Variants in PGRMC1 observed in about 807,000 individuals in gnomAD.
PGRMC1 encodes the protein progesterone receptor membrane component 1.
For missense variants in PGRMC1, 145 were observed against 169.0 expected (o/e 0.86, Z 0.79); for synonymous variants, 73 against 77.3 (o/e 0.94, Z 0.29).
intron 2 of PGRMC1, among the ~76,000 whole-genome samples, chrX:119,242,320 C>T (rs1171240234): frequency 2.7e-5 from 3 of 109,879 alleles, no homozygotes; most frequent in African/African-American, 1.0e-4. Flanking sequence ...CCATTTTGGT[C>T]CATGGGAGCT....
intron 1 of PGRMC1, among the ~76,000 whole-genome samples, chrX:119,238,973 A>T (rs1370645565): frequency 1.8e-5 from 2 of 112,474 alleles, no homozygotes; most frequent in Non-Finnish European, 3.8e-5. Context: ...TTTTTAAAAG[A>T]CTTTTAATGT....
chrX:119,236,936 C>T (rs1930715917), intron 1 of PGRMC1, among the ~76,000 whole-genome samples: 1 of 111,745 alleles, frequency 8.9e-6, no homozygotes, highest in Non-Finnish European at 1.9e-5. Flanking sequence ...GCGCTGACAG[C>T]GCTGGGAGGG....
chrX:119,242,026 G>C (rs1054213524), intron 2 of PGRMC1, among the ~76,000 whole-genome samples: 2 of 111,496 alleles, frequency 1.8e-5, no homozygotes, highest in Non-Finnish European at 3.8e-5. Context: ...AAAACGTTCT[G>C]TCTCTTGCTC....
rs535977876 is a variant in PGRMC1, at chrX:119,242,820, C to T, written c.485-331C>T. Reference sequence around the variant, plus strand: ...TCTATACATTTTTCCAAAATATATCCTCCTTCCATGAAGTATTCTGTAACC... The same window carrying T: ...TCTATACATTTTTCCAAAATATATCTTCCTTCCATGAAGTATTCTGTAACC... On this transcript the variant is annotated intron_variant, in intron 2 of 2. Transcript: ENST00000217971. 1.2e-4 allele frequency among the ~76,000 whole-genome samples: 13 copies of T among 111,231 alleles called. No individual in the cohort carries two copies. The South Asian group carries it at 4.8e-3, about 41-fold the overall frequency.
At chrX:119,239,097 A>C (rs905210937) in intron 1 of PGRMC1, among the ~76,000 whole-genome samples, 1 of 112,196 alleles carries the variant, frequency 8.9e-6, no homozygotes, top group Non-Finnish European at 1.9e-5. Flanking sequence ...CTACCAAGCC[A>C]ATGACCATAA....
rs199917409 is a variant in PGRMC1, at chrX:119,243,296, T to C, written c.*42T>C. The C allele has an allele frequency of 5.8e-4, 485 of 829,905 alleles. 2 individuals carry two copies. The highest frequency in any genetic ancestry group is 8.4e-4 in the Non-Finnish European group (461 of 550,053). The allele number at this position is 829,905 out of a possible 1,213,427, so 68.4% of individuals were successfully genotyped here. A position where few individuals can be genotyped will look rare whatever the true frequency, so the allele number is the denominator to read the frequency against. ...ATATCTATTTTTGTATTTTGCAAAA[T>C]CATTTGTAACAGTCCACTCTGTCTT... On this transcript the variant is annotated 3_prime_UTR_variant, in exon 3 of 3. Transcript: ENST00000217971.
Position 119,236,697 on chromosome X carries a change from CG to C in PGRMC1, c.328+8del. On this transcript the variant is annotated splice_region_variant and intron_variant, in intron 1 of 2. Transcript: ENST00000217971. ...CCGCAAATTCTACGGGCCCGGTACGCGGCCGGCGAGGGGGGCTTGGAGACAA... is the reference window on the plus strand; with the variant it reads ...CCGCAAATTCTACGGGCCCGGTACGCGCCGGCGAGGGGGGCTTGGAGACAA... 8.5e-7 allele frequency: 1 copy of C among 1,172,569 alleles called. No homozygotes were observed. Among genetic ancestry groups the C allele is most frequent in the South Asian group, 1.9e-5 (1 of 51,548 alleles).
intron 1 of PGRMC1, among the ~76,000 whole-genome samples, chrX:119,237,094 G>A (rs1367130962): frequency 9.0e-6 from 1 of 110,967 alleles, no homozygotes; most frequent in Admixed American, 9.4e-5. Context: ...GGAGGAGGGG[G>A]TAGTGTCGGG....
chrX:119,243,012 C>A, intron 2 of PGRMC1, 139 bp from the exon 3 acceptor site: 1 of 514,919 alleles, frequency 1.9e-6, no homozygotes, highest in Non-Finnish European at 3.5e-6. Flanking sequence ...GTGGTATAAA[C>A]CACCTTTGTA....
At chrX:119,238,449 A>G (rs1231893513) in intron 1 of PGRMC1, among the ~76,000 whole-genome samples, 1 of 112,398 alleles carries the variant, frequency 8.9e-6, no homozygotes, top group East Asian at 2.8e-4. Context: ...AGTAGCACAC[A>G]TAGTTGCTTT....
chrX:119,236,562 C>T lies in PGRMC1; in HGVS notation c.199C>T (p.Arg67Cys). The change falls in exon 1 of 3, where the codon CGC becomes TGC. Residue 67 changes from arginine to cysteine, a missense_variant. Arg to Cys is a radical substitution (Grantham distance 180). Transcript: ENST00000217971. ...SDDDEPPPLP[R>C]LKRRDFTPAE... Reference sequence around the variant, plus strand: ...CGACGACGAGCCGCCCCCTCTGCCCCGCCTCAAGCGGCGCGACTTCACCCC... The same window carrying T: ...CGACGACGAGCCGCCCCCTCTGCCCTGCCTCAAGCGGCGCGACTTCACCCC... The T allele has an allele frequency of 4.1e-6, 5 of 1,208,847 alleles. No homozygotes were observed. Among genetic ancestry groups the T allele is most frequent in the Non-Finnish European group, 5.6e-6 (5 of 894,033 alleles).
chrX:119,244,084 A>G lies in PGRMC1; in HGVS notation c.*830A>G, dbSNP rs1930887729. The G allele has an allele frequency of 8.9e-6, 1 of 112,283 alleles. No homozygotes were observed. Among genetic ancestry groups the G allele is most frequent in the South Asian group, 3.7e-4 (1 of 2,704 alleles). 9.3% of individuals were successfully genotyped at this position (112,283 alleles called of 1,213,427 possible). A position where few individuals can be genotyped will look rare whatever the true frequency, so the allele number is the denominator to read the frequency against. ...TGAGGGAGGGACATACAGAATAGGA[A>G]CAGGTGTTTGCTCTCCTAAGAGCCT... On this transcript the variant is annotated 3_prime_UTR_variant, in exon 3 of 3. Coordinates refer to ENST00000217971, the MANE Select transcript of PGRMC1 (RefSeq NM_006667.5).
At position 119,239,010 on chromosome X, in the gene PGRMC1, A is replaced by C. The variant is rs781247937; in HGVS notation, c.329-1299A>C. On this transcript the variant is annotated intron_variant, in intron 1 of 2. Transcript: ENST00000217971. ...CCCACTAGAGAACATTTAATTGTTT[A>C]AATGTTTAAATATTCTATGAGGTTT... Among the ~76,000 whole-genome samples, 4 of 112,361 alleles carry C rather than the reference A, an allele frequency of 3.6e-5. No homozygotes were observed. In the South Asian group the frequency reaches 1.5e-3, roughly 42 times the overall value.
At chrX:119,237,888 G>A (rs75752138) in intron 1 of PGRMC1, among the ~76,000 whole-genome samples, 2,610 of 111,520 alleles carry the variant, frequency 0.023, 90 homozygotes, top group African/African-American at 0.081. Context: ...ATGAGTCTCG[G>A]GTGGTCCGGG....
chrX:119,236,542 A>G lies in PGRMC1; in HGVS notation c.179A>G (p.Asp60Gly). ...GCGGCCAGCGGCGACAGCGACGACG[A>G]CGAGCCGCCCCCTCTGCCCCGCCTC... The part of the protein sequence containing the change: ...QPAASGDSDD[D>G]EPPPLPRLKR... Residue 60 changes from aspartate to glycine, a missense_variant, in exon 1 of 3, where the codon GAC becomes GGC. Asp to Gly is a moderately conservative substitution (Grantham distance 94). Coordinates refer to ENST00000217971, the MANE Select transcript of PGRMC1 (RefSeq NM_006667.5). The G allele has an allele frequency of 8.3e-7, 1 of 1,208,358 alleles. No individual in the cohort carries two copies. Among genetic ancestry groups the G allele is most frequent in the Non-Finnish European group, 1.1e-6 (1 of 894,035 alleles).
rs1225226094 is a variant in PGRMC1 at position 119,236,505 on chromosome X, G to A, written c.142G>A (p.Gly48Arg). The change falls in exon 1 of 3, where the codon GGG (glycine) becomes AGG (arginine). Residue 48 changes from glycine (G) to arginine (R), a missense_variant. Transcript: ENST00000217971. ...CTTCCTGCTCTACAAGATCGTGCGCGGGGACCAGCCGGCGGCCAGCGGCGA... is the reference window on the plus strand; with the variant it reads ...CTTCCTGCTCTACAAGATCGTGCGCAGGGACCAGCCGGCGGCCAGCGGCGA... ...CIFLLYKIVR[G>R]DQPAASGDSD... The A allele has an allele frequency of 2.5e-6, 3 of 1,210,476 alleles. No individual in the cohort carries two copies. The highest frequency in any genetic ancestry group is 1.8e-5 in the South Asian group (1 of 56,923).
chrX:119,241,681 G>A (rs943316361), intron 2 of PGRMC1, among the ~76,000 whole-genome samples: 1 of 111,541 alleles, frequency 9.0e-6, no homozygotes, highest in Non-Finnish European at 1.9e-5. Flanking sequence ...GGTTTCCCAG[G>A]AGCCACCTGG....
intron 1 of PGRMC1, among the ~76,000 whole-genome samples, chrX:119,237,452 G>A (rs1349390661): frequency 9.0e-6 from 1 of 110,694 alleles, no homozygotes; most frequent in East Asian, 2.8e-4. Context: ...CTTGTGCTGT[G>A]TGTGGCAGAT....
intron 2 of PGRMC1, among the ~76,000 whole-genome samples, chrX:119,241,390 T>C (rs1033628429): frequency 1.8e-5 from 2 of 112,302 alleles, no homozygotes; most frequent in Middle Eastern, 4.2e-3. Flanking sequence ...AGGCTACATA[T>C]AACTTCCAAG....
Sources: allele counts gnomAD v4.1 joint callset (sites outside exome capture counted in the v4.1 genomes callset), GRCh38; gene constraint gnomAD v4.1.1; transcripts MANE v1.5; gene names NCBI Gene and HGNC (gene_info 2026-07-23, HGNC 2026-07-21).